VIPR1: variants seen among roughly 807,000 people sequenced by gnomAD.
VIPR1 encodes the protein vasoactive intestinal peptide receptor 1, also known as vasoactive intestinal polypeptide receptor 1.
A neutral mutation model predicts 58.8 loss-of-function variants in VIPR1; 59 were observed. The observed-to-expected ratio is 1.00, with a 90% CI of 0.81 to 1.25. VIPR1 has a LOEUF of 1.25. Ranked by LOEUF, VIPR1 falls within the 50% of genes most tolerant of loss-of-function variation. VIPR1 has a pLI of 0.00. For missense variants in VIPR1, 626 were observed against 602.7 expected (o/e 1.04, Z -0.40); for synonymous variants, 251 against 242.1 (o/e 1.04, Z -0.34).
At chr3:42,498,489 A>C (rs1229758695), upstream of VIPR1, among the ~76,000 whole-genome samples, 1 of 152,096 alleles carries the variant, frequency 6.6e-6, no homozygotes, top group Non-Finnish European at 1.5e-5. Context: ...ACTCCACCTT[A>C]GCATTTGCTC....
At chr3:42,522,543 C>G (rs2125660289) in intron 3 of VIPR1, among the ~76,000 whole-genome samples, 2 of 152,280 alleles carry the variant, frequency 1.3e-5, no homozygotes, top group South Asian at 4.1e-4. Context: ...CTACCACCTG[C>G]ATCATGATGC....
chr3:42,536,332 AC>A lies in VIPR1; in HGVS notation c.*55del, dbSNP rs1056202630. ...CGGCCCCTCCCGCCCCTTCCCACTC[AC>A]CCCGGCAGACGCCGGGGACAGAGGC... On this transcript the variant is annotated 3_prime_UTR_variant, in exon 13 of 13. Transcript: ENST00000325123. 16 of 1,455,924 alleles carry A rather than the reference AC, an allele frequency of 1.1e-5. No individual in the cohort carries two copies. Among genetic ancestry groups the A allele is most frequent in the African/African-American group, 1.4e-5 (1 of 69,122 alleles). The allele number at this position is 1,455,924 out of a possible 1,614,324, so 90.2% of individuals were successfully genotyped here.
chr3:42,522,107 T>G (rs199711163), intron 3 of VIPR1, among the ~76,000 whole-genome samples: 1,256 of 33,394 alleles, frequency 0.038, 121 homozygotes, highest in African/African-American at 0.21. Context: ...ATATATTTTT[T>G]TTTTTTTTTT....
chr3:42,490,253 C>T (rs1467198244), intron 1 of VIPR1, among the ~76,000 whole-genome samples: 2 of 152,174 alleles, frequency 1.3e-5, no homozygotes, highest in East Asian at 1.9e-4. Flanking sequence ...AAGAAGCCAG[C>T]GGTCAATTCA....
In VIPR1 at chr3:42,535,020, A is replaced by G; in HGVS notation, c.1056A>G (p.Val352=). 1.2e-6 allele frequency: 2 copies of G among 1,614,190 alleles called. No homozygotes were observed. The highest frequency in any genetic ancestry group is 1.7e-6 in the Non-Finnish European group (2 of 1,180,012). The stretch of plus-strand genomic sequence containing the variant: ...TCCTGCTGATCCCCCTGTTTGGAGT[A>G]CACTACATCATGTTCGCCTTCTTTC... The part of the protein sequence containing the change: ...STLLLIPLFG[V]HYIMFAFFPD... Residue 352 remains valine, a synonymous_variant, in exon 11 of 13, where the codon GTA becomes GTG. Coordinates refer to ENST00000325123, the MANE Select transcript of VIPR1 (RefSeq NM_004624.4).
At chr3:42,514,541 C>CCACACACACACACACA (rs111610459) in intron 2 of VIPR1, among the ~76,000 whole-genome samples, 289 of 144,164 alleles carry the variant, frequency 2.0e-3, no homozygotes, top group Non-Finnish European at 2.9e-3. Flanking sequence ...GATAGTGACA[C>CCACACACACACACACA]CACACACACA....
chr3:42,490,266 G>A (rs1362139568), intron 1 of VIPR1, among the ~76,000 whole-genome samples: 1 of 152,230 alleles, frequency 6.6e-6, no homozygotes, highest in Non-Finnish European at 1.5e-5. Context: ...TCAATTCAGG[G>A]TGGCTTCCCA....
In VIPR1 at chr3:42,531,885, A is replaced by G; in HGVS notation, c.918+16A>G. The G allele has an allele frequency of 1.2e-6, 2 of 1,614,042 alleles. No individual in the cohort carries two copies. The highest frequency in any genetic ancestry group is 8.5e-7 in the Non-Finnish European group (1 of 1,179,944). On this transcript the variant is annotated intron_variant, in intron 9 of 12. Coordinates refer to ENST00000325123, the MANE Select transcript of VIPR1 (RefSeq NM_004624.4). ...CTCCATCTTGGTAAGATACCCTCCC[A>G]CCACCTAGAGATGGGGAAACAGGCC...
At chr3:42,514,548 C>CACACAT (rs1344907101) in intron 2 of VIPR1, among the ~76,000 whole-genome samples, 4 of 151,184 alleles carry the variant, frequency 2.6e-5, no homozygotes, top group African/African-American at 9.8e-5. Flanking sequence ...ACACCACACA[C>CACACAT]ACACACACAC....
chr3:42,489,932 C>T (rs1361075001), intron 1 of VIPR1, among the ~76,000 whole-genome samples: 1 of 152,160 alleles, frequency 6.6e-6, no homozygotes, highest in Non-Finnish European at 1.5e-5. Flanking sequence ...CACACTCATT[C>T]TTCCACCACC....
At chr3:42,493,829 G>T (rs1699709375) in intron 1 of VIPR1, among the ~76,000 whole-genome samples, 3 of 152,214 alleles carry the variant, frequency 2.0e-5, no homozygotes. Flanking sequence ...ACAGACCTGG[G>T]CTGTGCTCTA....
At chr3:42,494,790 A>G (rs1376131826) in intron 1 of VIPR1, among the ~76,000 whole-genome samples, 1 of 151,870 alleles carries the variant, frequency 6.6e-6, no homozygotes, top group Non-Finnish European at 1.5e-5. Context: ...TAGTATATTT[A>G]GCTGTTAACT....
chr3:42,510,971 A>G (rs1252286137), intron 1 of VIPR1, among the ~76,000 whole-genome samples: 1 of 152,158 alleles, frequency 6.6e-6, no homozygotes, highest in Non-Finnish European at 1.5e-5. Flanking sequence ...GGCAAACTAT[A>G]TGGCCACAGT....
chr3:42,512,653 G>A, intron 1 of VIPR1: 1 of 839,604 alleles, frequency 1.2e-6, no homozygotes. Context: ...CAGGGTGGGA[G>A]GGACAAGCTG....
intron 11 of VIPR1, 106 bp downstream of exon 11, chr3:42,535,210 T>A: frequency 1.3e-6 from 2 of 1,599,462 alleles, no homozygotes; most frequent in Non-Finnish European, 1.7e-6. Flanking sequence ...CTGTAATAAG[T>A]ATTAGATAAG....
chr3:42,500,676 C>T (rs1435567295), upstream of VIPR1, among the ~76,000 whole-genome samples: 2 of 152,064 alleles, frequency 1.3e-5, no homozygotes, highest in Admixed American at 6.5e-5. Flanking sequence ...AACTGAGACC[C>T]GAGACGGGGT....
intron 3 of VIPR1, among the ~76,000 whole-genome samples, chr3:42,522,941 G>T (rs1260832543): frequency 1.3e-5 from 2 of 152,182 alleles, no homozygotes; most frequent in Non-Finnish European, 2.9e-5. Context: ...CCACCCTTCT[G>T]GTCGTCATGG....
At chr3:42,535,158 A>C in intron 11 of VIPR1, 54 bp downstream of exon 11, 2 of 1,612,476 alleles carry the variant, frequency 1.2e-6, no homozygotes, top group Admixed American at 1.7e-5. Context: ...AGGGAATTCA[A>C]CCTGGAGTCT....
intron 1 of VIPR1, among the ~76,000 whole-genome samples, chr3:42,510,788 C>T (rs2125640968): frequency 6.6e-6 from 1 of 152,236 alleles, no homozygotes; most frequent in South Asian, 2.1e-4. Context: ...CTTCGGTACC[C>T]ACCCCTCCTT....
Sources: allele counts gnomAD v4.1 joint callset (sites outside exome capture counted in the v4.1 genomes callset), GRCh38; gene constraint gnomAD v4.1.1; transcripts MANE v1.5; gene names NCBI Gene and HGNC (gene_info 2026-07-23, HGNC 2026-07-21).